TENM2: variants seen among roughly 807,000 people sequenced by gnomAD.
TENM2 encodes the protein teneurin transmembrane protein 2.
A neutral mutation model predicts 245.2 loss-of-function variants in TENM2; 52 were observed. The observed-to-expected ratio is 0.21, with a 90% CI of 0.17 to 0.27. The LOEUF (loss-of-function observed/expected upper bound fraction) is 0.27, where lower values mean the gene tolerates loss of function less well. Ranked by LOEUF, TENM2 falls within the 10% of genes least tolerant of loss-of-function variation. TENM2 has a pLI of 1.00. For synonymous variants in TENM2, 1,363 were observed against 1,438.9 expected (o/e 0.95, Z 1.19); for missense variants, 3,046 against 3,666.8 (o/e 0.83, Z 4.37).
At chr5:167,560,401 A>T in intron 2 of TENM2, among the ~76,000 whole-genome samples, 1 of 151,588 alleles carries the variant, frequency 6.6e-6, no homozygotes, top group East Asian at 1.9e-4. Context: ...CATGTAGGTG[A>T]TTTTCCTAGC....
At chr5:167,844,351 A>G (rs1769836481) in intron 2 of TENM2, among the ~76,000 whole-genome samples, 1 of 152,262 alleles carries the variant, frequency 6.6e-6, no homozygotes, top group African/African-American at 2.4e-5. Context: ...ATATTGATTG[A>G]CAAGCACCAG....
chr5:167,840,917 C>T (rs115065799), intron 2 of TENM2, among the ~76,000 whole-genome samples: 2,113 of 152,264 alleles, frequency 0.014, 39 homozygotes, highest in Non-Finnish European at 0.018. Flanking sequence ...GTGCCAGTGA[C>T]TCTTAATGCT....
intron 2 of TENM2, among the ~76,000 whole-genome samples, chr5:167,671,154 C>T (rs1230852862): frequency 6.6e-6 from 1 of 152,134 alleles, no homozygotes; most frequent in African/African-American, 2.4e-5. Flanking sequence ...TTTGGTCTGA[C>T]ACACACCTAC....
At chr5:168,018,786 G>T (rs575977675) in intron 5 of TENM2, among the ~76,000 whole-genome samples, 3 of 152,178 alleles carry the variant, frequency 2.0e-5, no homozygotes, top group Non-Finnish European at 4.4e-5. Context: ...CATTAATTCA[G>T]CAAGCATTCA....
the TENM2 span, among the ~76,000 whole-genome samples, chr5:167,196,263 A>G: frequency 6.6e-6 from 1 of 152,020 alleles, no homozygotes; most frequent in African/African-American, 2.4e-5. Flanking sequence ...GGCAAAGTAC[A>G]GTAAAAATAA....
At chr5:166,992,299 T>C in the TENM2 span, among the ~76,000 whole-genome samples, 1 of 152,172 alleles carries the variant, frequency 6.6e-6, no homozygotes, top group South Asian at 2.1e-4. Flanking sequence ...AAAAGCCTCT[T>C]TTCCGAGGTT....
At chr5:167,577,588 AT>A (rs972672160) in intron 2 of TENM2, among the ~76,000 whole-genome samples, 23 of 151,418 alleles carry the variant, frequency 1.5e-4, no homozygotes, top group African/African-American at 3.1e-4. Context: ...ATTCAAATAC[AT>A]TTTTTTTTGT....
intron 2 of TENM2, among the ~76,000 whole-genome samples, chr5:167,734,506 TATATA>T (rs1254433564): frequency 2.0e-5 from 3 of 148,474 alleles, no homozygotes; most frequent in African/African-American, 4.9e-5. Flanking sequence ...ATATAAATAA[TATATA>T]ATAAATATAT....
At chr5:167,010,389 A>G in the TENM2 span, among the ~76,000 whole-genome samples, 1 of 151,894 alleles carries the variant, frequency 6.6e-6, no homozygotes, top group Admixed American at 6.6e-5. Flanking sequence ...GTCTCAAAGA[A>G]AAAAAAAATT....
chr5:168,061,348 A>G (rs970391526), intron 6 of TENM2, among the ~76,000 whole-genome samples: 2 of 152,160 alleles, frequency 1.3e-5, no homozygotes, highest in African/African-American at 2.4e-5. Context: ...ACTTGGAAGT[A>G]TAGGGGGTGC....
intron 18 of TENM2, 109 bp from the exon 21 acceptor site, chr5:168,204,263 C>T (rs533949809): frequency 2.4e-5 from 29 of 1,217,416 alleles, no homozygotes; most frequent in African/African-American, 7.6e-5. Flanking sequence ...GAGAGCTCCC[C>T]GAGCACTGAA....
rs376417152 is a variant in TENM2, at chr5:168,259,889, T to C, written c.7433-394T>C. ...GCCAGGCACTGCGAAAAGCCTTTTA[T>C]GTGGATTTTCTCCTTTGATCCTCAT... is the stretch of plus-strand genomic sequence containing the variant. On this transcript the variant is annotated intron_variant, in intron 27 of 28. Transcript: ENST00000518659. Among the ~76,000 whole-genome samples, 55 of 152,352 alleles carry C rather than the reference T, an allele frequency of 3.6e-4. 1 individual carries two copies. In the South Asian group the frequency reaches 6.8e-3, roughly 19 times the overall value.
chr5:167,090,725 G>A, the TENM2 span, among the ~76,000 whole-genome samples: 7 of 152,088 alleles, frequency 4.6e-5, no homozygotes, highest in Non-Finnish European at 8.8e-5. Flanking sequence ...CATTCACAAG[G>A]GACATCAATG....
intron 2 of TENM2, among the ~76,000 whole-genome samples, chr5:167,724,575 G>C (rs1759860861): frequency 6.6e-6 from 1 of 152,114 alleles, no homozygotes; most frequent in South Asian, 2.1e-4. Context: ...ATTCAGTAAG[G>C]TATTTTTCAT....
intron 3 of TENM2, among the ~76,000 whole-genome samples, chr5:167,941,009 G>A (rs893100931): frequency 6.6e-6 from 1 of 152,158 alleles, no homozygotes. Context: ...TCTACATTAT[G>A]GGATTAAGAA....
At chr5:168,090,831 T>G (rs1395536779) in intron 8 of TENM2, 62 bp downstream of exon 10, 1 of 1,435,116 alleles carries the variant, frequency 7.0e-7, no homozygotes, top group East Asian at 2.3e-5. Flanking sequence ...TCTGGGCTTC[T>G]CTGCAGAAGA....
chr5:167,298,238 G>A (rs1426103060), intron 1 of TENM2, among the ~76,000 whole-genome samples: 1 of 152,112 alleles, frequency 6.6e-6, no homozygotes, highest in African/African-American at 2.4e-5. Flanking sequence ...GTGATATTGT[G>A]GGGTTGTTAG....
Position 168,095,314 on chromosome 5 carries a change from C to A in TENM2, c.1712-2712C>A, listed in dbSNP as rs117628316. 2.3e-3 allele frequency among the ~76,000 whole-genome samples: 347 copies of A among 152,124 alleles called. 6 individuals carry two copies. The East Asian group carries it at 0.059, about 26-fold the overall frequency. Reference sequence around the variant, plus strand: ...TCTCCAAACTCAACTAATGTCACACCCTCCCTTGTTTGCTACCCTGCATCC... The same window carrying A: ...TCTCCAAACTCAACTAATGTCACACACTCCCTTGTTTGCTACCCTGCATCC... On this transcript the variant is annotated intron_variant, in intron 8 of 28. Coordinates refer to ENST00000518659, the Ensembl canonical transcript of TENM2.
intron 5 of TENM2, among the ~76,000 whole-genome samples, chr5:168,019,310 G>C (rs1581074475): frequency 6.6e-6 from 1 of 152,212 alleles, no homozygotes; most frequent in African/African-American, 2.4e-5. Context: ...ACAATTCTGA[G>C]TGGAAGAGGG....
Sources: gnomAD v4.1 joint callset for allele counts (sites outside exome capture counted in the v4.1 genomes callset) on GRCh38, gnomAD v4.1.1 for gene constraint, MANE v1.5 for transcripts, NCBI Gene and HGNC (gene_info 2026-07-23, HGNC 2026-07-21) for gene names.